The following MBD5 variants were observed in gnomAD, a reference collection of about 807,000 sequenced individuals.
MBD5 encodes the protein methyl-CpG-binding domain protein 5.
In MBD5, 13 loss-of-function variants were observed where a neutral mutation model predicts 117.3. The observed-to-expected ratio is 0.11, with a 90% CI of 0.07 to 0.18. The LOEUF is 0.18. Ranked by LOEUF, MBD5 falls within the 10% of genes least tolerant of loss-of-function variation. MBD5 has a pLI of 1.00. For missense variants in MBD5, 1,879 were observed against 2,093.8 expected (o/e 0.90, Z 2.00); for synonymous variants, 727 against 766.4 (o/e 0.95, Z 0.85).
intron 1 of MBD5, among the ~76,000 whole-genome samples, chr2:148,155,054 TATATTTCTA>T (rs1465842102): frequency 6.6e-6 from 1 of 152,176 alleles, no homozygotes; most frequent in Non-Finnish European, 1.5e-5. Flanking sequence ...TCCAGAAAGG[TATATTTCTA>T]GTGAAAGAGA....
Position 148,513,143 on chromosome 2 carries a change from G to T in MBD5, c.*202G>T. 1 of 582,602 alleles carries T rather than the reference G, an allele frequency of 1.7e-6. No homozygotes were observed. Among genetic ancestry groups the T allele is most frequent in the Non-Finnish European group, 3.1e-6 (1 of 326,630 alleles). The allele number at this position is 582,602 out of a possible 1,614,324, so 36.1% of individuals were successfully genotyped here. A position where few individuals can be genotyped will look rare whatever the true frequency, so the allele number is the denominator to read the frequency against. ...ATGAATGCTGGAAAAGCCAATCAAA[G>T]TCTCTGTGTGATGAGAGTGATCAAT... On this transcript the variant is annotated 3_prime_UTR_variant, in exon 14 of 14. Coordinates refer to ENST00000642680, the MANE Select transcript of MBD5 (RefSeq NM_001378120.1).
chr2:148,212,780 A>G (rs1395313285), intron 2 of MBD5, among the ~76,000 whole-genome samples: 1 of 152,072 alleles, frequency 6.6e-6, no homozygotes, highest in African/African-American at 2.4e-5. Flanking sequence ...TAGCATATTC[A>G]TTTTTTCTAG....
At chr2:148,295,112 C>T (rs1253946272) in intron 3 of MBD5, among the ~76,000 whole-genome samples, 3 of 152,148 alleles carry the variant, frequency 2.0e-5, no homozygotes, top group Non-Finnish European at 2.9e-5. Context: ...AAGTTTCCAG[C>T]CATTATTTCT....
intron 4 of MBD5, among the ~76,000 whole-genome samples, chr2:148,386,446 C>G (rs558536925): frequency 1.3e-5 from 2 of 152,044 alleles, no homozygotes; most frequent in African/African-American, 4.8e-5. Flanking sequence ...CGGCCGGGCG[C>G]GGTGGCTCAC....
At chr2:148,473,031 T>G (rs1161149976) in intron 8 of MBD5, among the ~76,000 whole-genome samples, 1 of 152,180 alleles carries the variant, frequency 6.6e-6, no homozygotes, top group Admixed American at 6.6e-5. Context: ...ATTCTTCATC[T>G]GAAACATTTA....
intron 2 of MBD5, among the ~76,000 whole-genome samples, chr2:148,195,751 A>G (rs1698968400): frequency 6.6e-6 from 1 of 152,068 alleles, no homozygotes; most frequent in African/African-American, 2.4e-5. Flanking sequence ...AAGCAGGAAA[A>G]CCTCTCGATA....
At chr2:148,022,413 A>G (rs78318876) in intron 1 of MBD5, among the ~76,000 whole-genome samples, 70 of 152,344 alleles carry the variant, frequency 4.6e-4, no homozygotes, top group African/African-American at 1.7e-3. Context: ...TAAAGTTTAA[A>G]TGCCACTGCT....
At position 148,340,031 on chromosome 2, in the gene MBD5, C is replaced by G. The variant is rs568546823; in HGVS notation, c.-679-2183C>G. ...CCAACATCTCAACACTGATTTGGGT[C>G]CCTCTCTCCCTTCAGAATCCTTTAT... On this transcript the variant is annotated intron_variant, in intron 3 of 13. Coordinates refer to ENST00000642680, the MANE Select transcript of MBD5 (RefSeq NM_001378120.1). 2.0e-5 allele frequency among the ~76,000 whole-genome samples: 3 copies of G among 152,092 alleles called. No homozygotes were observed. In the East Asian group the frequency reaches 5.8e-4, roughly 29 times the overall value.
rs1236872636 is a variant in MBD5, at chr2:148,483,674, A to G, written c.3083A>G (p.Gln1028Arg). The G allele has an allele frequency of 6.4e-7, 1 of 1,550,730 alleles. No homozygotes were observed. The change falls in exon 9 of 14, where the codon CAG (glutamine) becomes CGG (arginine). Residue 1028 changes from glutamine (Q) to arginine (R), a missense_variant. Around this residue, in one of 4 missense-constraint regions of MBD5, gnomAD observed 1,666 missense variants for 1,792.2 expected, o/e 0.93. Transcript: ENST00000642680. ...AATACCCCTTTACCCTCATTAACAC[A>G]GATGACAGCCCCACCAGACCATTTG... ...QQNTPLPSLT[Q>R]MTAPPDHLPS... is the part of the protein sequence containing the mutation.
chr2:148,207,797 T>C (rs1699323617), intron 2 of MBD5, among the ~76,000 whole-genome samples: 1 of 152,032 alleles, frequency 6.6e-6, no homozygotes, highest in Non-Finnish European at 1.5e-5. Flanking sequence ...ACAAATAAAT[T>C]CCCTAAGATA....
chr2:148,320,621 G>A (rs1224868484), intron 3 of MBD5, among the ~76,000 whole-genome samples: 4 of 152,136 alleles, frequency 2.6e-5, no homozygotes, highest in Admixed American at 6.5e-5. Flanking sequence ...CTCCCAAAGT[G>A]CTGGGACTAT....
chr2:148,082,462 A>G lies in MBD5; in HGVS notation c.-925+60778A>G, dbSNP rs536677164. Among the ~76,000 whole-genome samples the G allele has an allele frequency of 1.1e-4, 16 of 152,280 alleles. No individual in the cohort carries two copies. The South Asian group carries it at 3.3e-3, about 32-fold the overall frequency. Reference sequence around the variant, plus strand: ...GGATTATTCATCATCTTAGATGGTCATATTTTCTATTATTCACCTTTTTGT... The same window carrying G: ...GGATTATTCATCATCTTAGATGGTCGTATTTTCTATTATTCACCTTTTTGT... On this transcript the variant is annotated intron_variant, in intron 1 of 13. Coordinates refer to ENST00000642680, the MANE Select transcript of MBD5 (RefSeq NM_001378120.1).
intron 1 of MBD5, among the ~76,000 whole-genome samples, chr2:148,136,427 A>G (rs1269304286): frequency 6.6e-6 from 1 of 152,190 alleles, no homozygotes; most frequent in Non-Finnish European, 1.5e-5. Flanking sequence ...AGGAAATTTG[A>G]TATTGGGAAG....
At position 148,238,343 on chromosome 2, in the gene MBD5, A is replaced by C. The variant is rs566326151; in HGVS notation, c.-680+4948A>C. 1.2e-4 allele frequency among the ~76,000 whole-genome samples: 19 copies of C among 152,334 alleles called. No homozygotes were observed. In the South Asian group the frequency reaches 3.3e-3, roughly 27 times the overall value. Reference sequence around the variant, plus strand: ...TGTACATTCCAAATTTTGTTTAAAAATGTAGGGTATGCATGGACTGTTCTA... The same window carrying C: ...TGTACATTCCAAATTTTGTTTAAAACTGTAGGGTATGCATGGACTGTTCTA... On this transcript the variant is annotated intron_variant, in intron 3 of 13. Transcript: ENST00000642680.
intron 4 of MBD5, among the ~76,000 whole-genome samples, chr2:148,454,010 A>AT (rs1418898831): frequency 6.6e-6 from 1 of 152,090 alleles, no homozygotes; most frequent in Non-Finnish European, 1.5e-5. Context: ...GTACAGGAAT[A>AT]TTTTTATCAG....
chr2:148,024,940 A>G (rs1015365206), intron 1 of MBD5: 1 of 152,136 alleles, frequency 6.6e-6, no homozygotes, highest in African/African-American at 2.4e-5. Context: ...TGTTTCCCTG[A>G]CTTTGTTTTT....
chr2:148,342,515 A>G (rs1702971513), intron 4 of MBD5, among the ~76,000 whole-genome samples, 179 bp downstream of exon 4: 1 of 152,042 alleles, frequency 6.6e-6, no homozygotes. Flanking sequence ...GAAAATGAAT[A>G]CATGTTTACT....
intron 4 of MBD5, among the ~76,000 whole-genome samples, chr2:148,389,249 A>AAT (rs1704480587): frequency 3.1e-5 from 1 of 32,322 alleles, no homozygotes; most frequent in Non-Finnish European, 5.7e-5. Flanking sequence ...AGGAAAAAAA[A>AAT]ACATATATAT....
intron 4 of MBD5, among the ~76,000 whole-genome samples, chr2:148,422,813 T>C (rs1705649817): frequency 6.6e-6 from 1 of 151,870 alleles, no homozygotes; most frequent in Admixed American, 6.6e-5. Context: ...GCCAAAATGA[T>C]CAAGTGGAAG....
Sources: gnomAD v4.1 joint callset for allele counts (sites outside exome capture counted in the v4.1 genomes callset) on GRCh38, gnomAD v4.1.1 for gene constraint, gnomAD v4.1.1 regional missense constraint, MANE v1.5 for transcripts, NCBI Gene and HGNC (gene_info 2026-07-23, HGNC 2026-07-21) for gene names.